The following SCN9A variants were observed in gnomAD, a reference collection of about 807,000 sequenced individuals.
SCN9A encodes sodium channel protein type 9 subunit alpha.
A neutral mutation model predicts 187.0 loss-of-function variants in SCN9A; 131 were observed. The observed-to-expected ratio is 0.70, with a 90% confidence interval of 0.61 to 0.81. The LOEUF is 0.81. Ranked by LOEUF, SCN9A falls within the 30% of genes least tolerant of loss-of-function variation. The pLI is 0.00. For synonymous variants in SCN9A, 809 were observed against 808.6 expected, an observed-to-expected ratio of 1.00 and a Z score of -0.01; for missense variants, 2,252 against 2,396.6, an observed-to-expected ratio of 0.94 and a Z score of 1.26.
chr2:166,224,466 C>T (rs968122088), intron 24 of SCN9A, among the ~76,000 whole-genome samples: 2 of 152,018 alleles, frequency 1.3e-5, no homozygotes, highest in African/African-American at 4.8e-5. Flanking sequence ...TAAGCCAGTA[C>T]CCAAAATTAT....
In SCN9A at chr2:166,222,626, AAAAC is replaced by A. The variant is rs200535261; in HGVS notation, c.4398+3937_4398+3940del. ...CTGGTGACAGAGTGAGACTCCTTCA[AAAAC>A]AAACAAACAAACAGCAACAAGGCCG... is the stretch of plus-strand genomic sequence containing the variant. On this transcript the variant is annotated intron_variant, in intron 24 of 26. Coordinates refer to ENST00000642356, the MANE Select transcript of SCN9A (RefSeq NM_001365536.1). 9.7e-3 allele frequency among the ~76,000 whole-genome samples: 1,429 copies of A among 147,008 alleles called. 35 individuals carry two copies. The highest frequency in any genetic ancestry group is 0.033 in the African/African-American group (1,306 of 39,644).
At position 166,332,528 on chromosome 2, in the gene SCN9A, G is replaced by A. The variant is rs925022348; in HGVS notation, c.-50-20722C>T. 2.0e-5 allele frequency among the ~76,000 whole-genome samples: 3 copies of A among 152,250 alleles called. No homozygotes were observed. The East Asian group carries it at 5.8e-4, about 29-fold the overall frequency. On this transcript the variant is annotated intron_variant, in intron 1 of 26. Transcript: ENST00000642356. Reference sequence around the variant, plus strand: ...TTAAAGCATTTCTTCTGAATCACTTGAAAATTAATCACTTGACCTCAGAAG... The same window carrying A: ...TTAAAGCATTTCTTCTGAATCACTTAAAAATTAATCACTTGACCTCAGAAG...
At chr2:166,221,706 T>C (rs1033753059) in intron 24 of SCN9A, among the ~76,000 whole-genome samples, 1 of 152,082 alleles carries the variant, frequency 6.6e-6, no homozygotes, top group Non-Finnish European at 1.5e-5. Flanking sequence ...TCCCCACAGG[T>C]CCTCATTTCA....
At chr2:166,371,547 G>A (rs552650520) in intron 1 of SCN9A, among the ~76,000 whole-genome samples, 1 of 152,128 alleles carries the variant, frequency 6.6e-6, no homozygotes, top group African/African-American at 2.4e-5. Flanking sequence ...AGAATGGCAG[G>A]ACACCAAAAT....
intron 1 of SCN9A, among the ~76,000 whole-genome samples, chr2:166,357,991 A>T (rs1350970589): frequency 8.0e-5 from 12 of 150,912 alleles, no homozygotes; most frequent in South Asian, 4.2e-4. Context: ...TATTTCATAA[A>T]TTTTTTTTCA....
chr2:166,207,431 G>T (rs1416820972), intron 24 of SCN9A, among the ~76,000 whole-genome samples: 3 of 142,146 alleles, frequency 2.1e-5, no homozygotes, highest in Non-Finnish European at 4.5e-5. Context: ...GAGTGTTTTT[G>T]TTGTTGTTGT....
intron 1 of SCN9A, among the ~76,000 whole-genome samples, chr2:166,313,391 C>G (rs1471603780): frequency 6.6e-6 from 1 of 152,178 alleles, no homozygotes; most frequent in East Asian, 1.9e-4. Flanking sequence ...CCACTCTTAT[C>G]AATGATCTTA....
At chr2:166,261,288 T>C (rs190085261) in intron 17 of SCN9A, among the ~76,000 whole-genome samples, 19 of 152,042 alleles carry the variant, frequency 1.2e-4, no homozygotes, top group African/African-American at 4.6e-4. Flanking sequence ...ATAAATGTCC[T>C]GCCTCAGCCA....
At chr2:166,370,234 T>TC (rs60050530) in intron 1 of SCN9A, among the ~76,000 whole-genome samples, 1,871 of 148,490 alleles carry the variant, frequency 0.013, 22 homozygotes, top group African/African-American at 0.028. Flanking sequence ...ATAATAATAA[T>TC]AATCATCATC....
intron 1 of SCN9A, among the ~76,000 whole-genome samples, chr2:166,349,493 T>C (rs1699981929): frequency 6.6e-6 from 1 of 152,240 alleles, no homozygotes; most frequent in Non-Finnish European, 1.5e-5. Flanking sequence ...GTTTTACTAA[T>C]CTACTGTGTA....
chr2:166,340,537 T>G (rs1559050779), intron 1 of SCN9A, among the ~76,000 whole-genome samples: 1 of 111,866 alleles, frequency 8.9e-6, no homozygotes, highest in Non-Finnish European at 1.7e-5. Context: ...CTTTCTTTTC[T>G]TTCCCTTTCT....
chr2:166,291,178 C>G (rs538715520), intron 9 of SCN9A, among the ~76,000 whole-genome samples: 1 of 152,014 alleles, frequency 6.6e-6, no homozygotes, highest in African/African-American at 2.4e-5. Flanking sequence ...TTAGAAAACC[C>G]GATCATCTCA....
chr2:166,201,946 T>C (rs1693556952), intron 26 of SCN9A, among the ~76,000 whole-genome samples: 1 of 151,856 alleles, frequency 6.6e-6, no homozygotes, highest in Non-Finnish European at 1.5e-5. Flanking sequence ...CCTTGTGTTT[T>C]GTTATTTTGT....
At chr2:166,326,664 C>T (rs186886737) in intron 1 of SCN9A, among the ~76,000 whole-genome samples, 1 of 152,268 alleles carries the variant, frequency 6.6e-6, no homozygotes, top group East Asian at 1.9e-4. Flanking sequence ...CCAAATAGGA[C>T]CCAAGGTCCT....
At chr2:166,207,427 T>A (rs1032325526) in intron 24 of SCN9A, among the ~76,000 whole-genome samples, 1 of 113,970 alleles carries the variant, frequency 8.8e-6, no homozygotes, top group East Asian at 3.3e-4. Flanking sequence ...CTTAGAGTGT[T>A]TTTGTTGTTG....
intron 7 of SCN9A, among the ~76,000 whole-genome samples, chr2:166,299,091 T>TC (rs1431804812): frequency 6.6e-6 from 1 of 152,150 alleles, no homozygotes; most frequent in East Asian, 1.9e-4. Context: ...GAGCTGTCGC[T>TC]CCCCTTTACT....
rs530666321 is a variant in SCN9A at position 166,206,485 on chromosome 2, AG to A, written c.4399-2022del. Among the ~76,000 whole-genome samples, 13 of 152,204 alleles carry A rather than the reference AG, an allele frequency of 8.5e-5. No homozygotes were observed. The South Asian group carries it at 2.7e-3, about 32-fold the overall frequency. On this transcript the variant is annotated intron_variant, in intron 24 of 26. Coordinates refer to ENST00000642356, the MANE Select transcript of SCN9A (RefSeq NM_001365536.1). ...ACAATGAGAACACATGGACACAGGG[AG>A]GGGAACATCACACACCAGGGGCAGT...
At chr2:166,304,914 T>C (rs1412102318) in intron 5 of SCN9A, among the ~76,000 whole-genome samples, 1 of 152,086 alleles carries the variant, frequency 6.6e-6, no homozygotes, top group African/African-American at 2.4e-5. Flanking sequence ...AATTTTGTAG[T>C]ATTTGAATTG....
intron 4 of SCN9A, 143 bp downstream of exon 4, chr2:166,306,367 T>G: frequency 1.6e-6 from 1 of 640,556 alleles, no homozygotes; most frequent in South Asian, 1.8e-5. Context: ...ATAGAGGAGG[T>G]AAAGAACAAA....
Sources: gnomAD v4.1 joint callset for allele counts (sites outside exome capture counted in the v4.1 genomes callset) on GRCh38, gnomAD v4.1.1 for gene constraint, MANE v1.5 for transcripts, NCBI Gene and HGNC (gene_info 2026-07-23, HGNC 2026-07-21) for gene names.